TCF4: variants seen among roughly 807,000 people sequenced by gnomAD.
The protein encoded by TCF4 is transcription factor 4.
Under a neutral mutation model 82.1 loss-of-function variants are expected in TCF4, and 3 were observed. The observed-to-expected ratio is 0.04, with a 90% CI of 0.02 to 0.09. TCF4 has a LOEUF of 0.09. TCF4 is among the 10% of genes least tolerant of loss of function. TCF4 has a pLI of 1.00. For synonymous variants in TCF4, 276 were observed against 309.6 expected (o/e 0.89, Z 1.14); for missense variants, 518 against 852.7 (o/e 0.61, Z 4.89).
chr18:55,442,544 TC>T (rs1355455985), intron 5 of TCF4, among the ~76,000 whole-genome samples: 1 of 152,232 alleles, frequency 6.6e-6, no homozygotes, highest in East Asian at 1.9e-4. Flanking sequence ...GCCACAAGTC[TC>T]GGCTCTTCTG....
Position 55,566,984 on chromosome 18 carries a change from T to C in TCF4, c.145+18296A>G, listed in dbSNP as rs543358167. On this transcript the variant is annotated intron_variant, in intron 3 of 19. Coordinates refer to ENST00000354452, the MANE Select transcript of TCF4 (RefSeq NM_001083962.2). ...CAGTCAGGGAAAAGGGTAGATCTACTAGAAAAGAATGGCAATCAGAAAGAT... is the reference window on the plus strand; with the variant it reads ...CAGTCAGGGAAAAGGGTAGATCTACCAGAAAAGAATGGCAATCAGAAAGAT... 1.6e-4 allele frequency among the ~76,000 whole-genome samples: 25 copies of C among 151,908 alleles called. 1 individual carries two copies. In the South Asian group the frequency reaches 4.4e-3, roughly 27 times the overall value.
At chr18:55,269,705 C>T (rs1179235474) in intron 11 of TCF4, 126 bp downstream of exon 11, 4 of 1,232,938 alleles carry the variant, frequency 3.2e-6, no homozygotes, top group Non-Finnish European at 4.6e-6. Flanking sequence ...TTTGTGTGTT[C>T]ATTCTGTCAT....
chr18:55,370,669 C>G (rs902954384), intron 6 of TCF4, among the ~76,000 whole-genome samples: 22 of 151,990 alleles, frequency 1.4e-4, no homozygotes, highest in Admixed American at 3.9e-4. Context: ...ACTCTCCCCC[C>G]CAAAATTAGA....
At chr18:55,451,170 T>C (rs555248995) in intron 5 of TCF4, among the ~76,000 whole-genome samples, 17 of 152,356 alleles carry the variant, frequency 1.1e-4, no homozygotes, top group African/African-American at 3.8e-4. Context: ...GTATAGGTAT[T>C]TTAAAATTGC....
chr18:55,629,423 C>G (rs183675245), intron 2 of TCF4, among the ~76,000 whole-genome samples: 30 of 152,236 alleles, frequency 2.0e-4, no homozygotes, highest in African/African-American at 7.2e-4. Flanking sequence ...CTCCAACAAG[C>G]CTAAAAACCT....
chr18:55,270,088 C>T, intron 10 of TCF4, 125 bp from the exon 11 acceptor site: 1 of 1,201,070 alleles, frequency 8.3e-7, no homozygotes, highest in Non-Finnish European at 1.2e-6. Context: ...TTCAAAATAG[C>T]CAAGAATATA....
chr18:55,340,721 G>A (rs1454586253), intron 8 of TCF4, among the ~76,000 whole-genome samples: 3 of 152,106 alleles, frequency 2.0e-5, no homozygotes, highest in African/African-American at 7.2e-5. Flanking sequence ...TAAGTAGGCT[G>A]CCATGTTAGA....
intron 3 of TCF4, among the ~76,000 whole-genome samples, chr18:55,480,152 T>G (rs1253645530): frequency 6.6e-6 from 1 of 151,828 alleles, no homozygotes; most frequent in Non-Finnish European, 1.5e-5. Flanking sequence ...ATCTTTAACA[T>G]CTCACATTGA....
chr18:55,447,453 G>T (rs1294908986), intron 5 of TCF4, among the ~76,000 whole-genome samples: 1 of 152,004 alleles, frequency 6.6e-6, no homozygotes, highest in African/African-American at 2.4e-5. Context: ...TAGGATGTGG[G>T]CCAAGTTGAA....
At chr18:55,401,964 G>C in intron 6 of TCF4, 4 of 932,426 alleles carry the variant, frequency 4.3e-6, no homozygotes, top group Non-Finnish European at 5.1e-6. Context: ...ACAGGAACAC[G>C]GTCTTCTGCA....
chr18:55,299,373 T>C (rs1422158829), intron 8 of TCF4, among the ~76,000 whole-genome samples: 1 of 151,556 alleles, frequency 6.6e-6, no homozygotes, highest in Non-Finnish European at 1.5e-5. Flanking sequence ...GATCGCACCA[T>C]TGCACTCCAA....
At chr18:55,450,944 A>G (rs2095611015) in intron 5 of TCF4, among the ~76,000 whole-genome samples, 1 of 152,186 alleles carries the variant, frequency 6.6e-6, no homozygotes, top group Admixed American at 6.5e-5. Flanking sequence ...GAGAACATTT[A>G]AAATGGAGAG....
At chr18:55,394,543 A>G (rs1329046334) in intron 6 of TCF4, among the ~76,000 whole-genome samples, 1 of 152,222 alleles carries the variant, frequency 6.6e-6, no homozygotes, top group Non-Finnish European at 1.5e-5. Flanking sequence ...TATTCTATTC[A>G]ACGAGATCTG....
At chr18:55,336,227 T>A (rs1054321577) in intron 8 of TCF4, among the ~76,000 whole-genome samples, 3 of 152,114 alleles carry the variant, frequency 2.0e-5, no homozygotes, top group Non-Finnish European at 2.9e-5. Context: ...ATATTCAAAA[T>A]GAATTTAAAT....
At chr18:55,415,740 A>G (rs1207685918) in intron 5 of TCF4, among the ~76,000 whole-genome samples, 1 of 152,196 alleles carries the variant, frequency 6.6e-6, no homozygotes, top group Non-Finnish European at 1.5e-5. Flanking sequence ...TCAGTTTTCA[A>G]GGCCACAGTA....
At chr18:55,474,507 A>G (rs1165428681) in intron 3 of TCF4, among the ~76,000 whole-genome samples, 1 of 152,156 alleles carries the variant, frequency 6.6e-6, no homozygotes, top group Non-Finnish European at 1.5e-5. Context: ...TCTATTACTT[A>G]TTTATTGGTA....
intron 3 of TCF4, among the ~76,000 whole-genome samples, chr18:55,510,214 G>A (rs1005042247): frequency 3.9e-5 from 6 of 152,150 alleles, no homozygotes; most frequent in South Asian, 4.1e-4. Flanking sequence ...CAGATATAGC[G>A]CTCAGTCTGC....
intron 6 of TCF4, among the ~76,000 whole-genome samples, chr18:55,402,824 A>C (rs2093901775): frequency 6.6e-6 from 1 of 152,192 alleles, no homozygotes; most frequent in Non-Finnish European, 1.5e-5. Flanking sequence ...CACACATGCT[A>C]TACCTTTGTA....
At chr18:55,627,607 A>G (rs1301733551) in intron 2 of TCF4, among the ~76,000 whole-genome samples, 1 of 151,430 alleles carries the variant, frequency 6.6e-6, no homozygotes, top group African/African-American at 2.4e-5. Flanking sequence ...TTTACTGAAA[A>G]TACAAAAATT....
Sources: allele counts gnomAD v4.1 joint callset (sites outside exome capture counted in the v4.1 genomes callset), GRCh38; gene constraint gnomAD v4.1.1; transcripts MANE v1.5; gene names NCBI Gene and HGNC (gene_info 2026-07-23, HGNC 2026-07-21).